Variants in WDFY4 observed in about 807,000 individuals in gnomAD.
WDFY4 encodes the protein WD repeat- and FYVE domain-containing protein 4.
Under a neutral mutation model 351.9 loss-of-function variants are expected in WDFY4, and 169 were observed. The ratio of observed to expected loss-of-function variants is 0.48; its 90% CI spans 0.42 to 0.55. WDFY4 has a LOEUF of 0.55. Among genes scored for constraint, WDFY4 ranks in the 20% least tolerant of loss-of-function variants. The probability of loss-of-function intolerance (pLI) is 0.00; values close to 1 mark genes in which losing one functional copy is unlikely to be tolerated. For missense variants in WDFY4, 3,803 were observed against 3,935.6 expected, an observed-to-expected ratio of 0.97 and a Z score of 0.90; for synonymous variants, 1,622 against 1,574.6, an observed-to-expected ratio of 1.03 and a Z score of -0.71.
chr10:48,723,419 C>T lies in WDFY4; in HGVS notation c.457-14C>T. 2 of 1,548,942 alleles carry T rather than the reference C, an allele frequency of 1.3e-6. No individual in the cohort carries two copies. Among genetic ancestry groups the T allele is most frequent in the Non-Finnish European group, 8.7e-7 (1 of 1,146,816 alleles). ...GCCTTGCTGCCTGGGGTCACGTGTG[C>T]TCTTCTCTTGCAGGAGACGCTGGGC... On this transcript the variant is annotated splice_polypyrimidine_tract_variant and intron_variant, in intron 4 of 61. Coordinates refer to ENST00000325239, the MANE Select transcript of WDFY4 (RefSeq NM_001394531.1).
intron 11 of WDFY4, among the ~76,000 whole-genome samples, chr10:48,737,408 C>T (rs1268287472): frequency 6.6e-6 from 1 of 152,150 alleles, no homozygotes; most frequent in Non-Finnish European, 1.5e-5. Flanking sequence ...CAATCATCAA[C>T]CTAACTTACT....
At chr10:48,836,249 G>A (rs1212112676) in intron 39 of WDFY4, among the ~76,000 whole-genome samples, 1 of 152,192 alleles carries the variant, frequency 6.6e-6, no homozygotes, top group African/African-American at 2.4e-5. Flanking sequence ...TGTATCCCAA[G>A]GAACATTTTG....
chr10:48,924,619 C>G (rs904357536), intron 47 of WDFY4, among the ~76,000 whole-genome samples: 1 of 152,158 alleles, frequency 6.6e-6, no homozygotes, highest in African/African-American at 2.4e-5. Flanking sequence ...TGTTCTTGTA[C>G]AATTTTTTTT....
intron 52 of WDFY4, among the ~76,000 whole-genome samples, chr10:48,958,716 C>G (rs895068471): frequency 6.6e-6 from 1 of 152,088 alleles, no homozygotes; most frequent in Non-Finnish European, 1.5e-5. Flanking sequence ...TAGACAATTT[C>G]TATACTGTAA....
chr10:48,689,617 G>A (rs889662402), intron 1 of WDFY4, among the ~76,000 whole-genome samples: 22 of 152,094 alleles, frequency 1.4e-4, no homozygotes, highest in African/African-American at 5.1e-4. Flanking sequence ...TGGAAGTTGT[G>A]CCTGGCTTTC....
At chr10:48,800,699 TTTCTTTCTTTCTTTCTTTCTTTCA>T (rs2067045227) in intron 24 of WDFY4, among the ~76,000 whole-genome samples, 2 of 138,976 alleles carry the variant, frequency 1.4e-5, no homozygotes, top group Admixed American at 7.1e-5. Flanking sequence ...TCTTTCTTTC[TTTCTTTCTTTCTTTCTTTCTTTCA>T]TTCTTTCTTT....
chr10:48,934,543 T>A (rs934230301), intron 47 of WDFY4, among the ~76,000 whole-genome samples: 1 of 152,208 alleles, frequency 6.6e-6, no homozygotes, highest in Non-Finnish European at 1.5e-5. Context: ...GTGTGTCCCA[T>A]GAAGAATCCC....
chr10:48,774,006 C>A (rs750902881), intron 13 of WDFY4, among the ~76,000 whole-genome samples: 10 of 152,156 alleles, frequency 6.6e-5, no homozygotes, highest in African/African-American at 1.9e-4. Context: ...ACCTTCCCCC[C>A]ACAGAGGTGC....
rs562584474 is a variant in WDFY4 at position 48,775,624 on chromosome 10, G to A, written c.2769-88G>A. The A allele has an allele frequency of 1.6e-4, 205 of 1,281,908 alleles. No homozygotes were observed. The African/African-American group carries it at 2.9e-3, about 18-fold the overall frequency. The allele number at this position is 1,281,908 out of a possible 1,614,324, so 79.4% of individuals were successfully genotyped here. On this transcript the variant is annotated intron_variant, in intron 14 of 61. Transcript: ENST00000325239. The stretch of plus-strand genomic sequence containing the variant: ...GGGGCTGGGAGGTCAGGGAGCTCCA[G>A]GCATCTAGGACAGTTGTCAGGATAA...
chr10:48,902,467 G>A (rs753165061), intron 47 of WDFY4, among the ~76,000 whole-genome samples: 2 of 152,060 alleles, frequency 1.3e-5, no homozygotes, highest in African/African-American at 2.4e-5. Context: ...GTTTTCTACA[G>A]GAATGTGTGG....
intron 12 of WDFY4, among the ~76,000 whole-genome samples, chr10:48,756,165 TG>T (rs2065330458): frequency 6.6e-6 from 1 of 152,082 alleles, no homozygotes; most frequent in Non-Finnish European, 1.5e-5. Flanking sequence ...ATAAACATAG[TG>T]TGCTTTTCTG....
At chr10:48,823,077 G>A (rs2067878275) in intron 35 of WDFY4, 1 of 1,227,666 alleles carries the variant, frequency 8.1e-7, no homozygotes, top group Non-Finnish European at 1.1e-6. Context: ...CATACCTGTA[G>A]GGCCATCATT....
intron 47 of WDFY4, chr10:48,910,043 C>T (rs1837857944): frequency 5.4e-6 from 3 of 557,854 alleles, no homozygotes; most frequent in African/African-American, 3.7e-5. Context: ...AAGTCATTTT[C>T]ACACACAGGT....
intron 12 of WDFY4, among the ~76,000 whole-genome samples, chr10:48,758,559 G>C (rs574280808): frequency 2.0e-5 from 3 of 152,230 alleles, no homozygotes; most frequent in African/African-American, 7.2e-5. Context: ...AGAAATGTTA[G>C]ATCCTTTGTT....
intron 23 of WDFY4, among the ~76,000 whole-genome samples, chr10:48,794,123 C>T (rs192493008): frequency 2.0e-5 from 3 of 152,164 alleles, no homozygotes; most frequent in Non-Finnish European, 2.9e-5. Context: ...CTGTGGGGAA[C>T]GTAGGTTCTG....
At chr10:48,829,068 G>A (rs1346251982) in intron 37 of WDFY4, among the ~76,000 whole-genome samples, 172 bp downstream of exon 37, 2 of 152,118 alleles carry the variant, frequency 1.3e-5, no homozygotes, top group African/African-American at 4.8e-5. Flanking sequence ...AAATCCTAGG[G>A]TAATCATGTA....
chr10:48,748,153 T>C (rs1453991470), intron 12 of WDFY4, among the ~76,000 whole-genome samples: 1 of 152,246 alleles, frequency 6.6e-6, no homozygotes, highest in Non-Finnish European at 1.5e-5. Flanking sequence ...GGAAACTTGT[T>C]TGACTTATTC....
rs1234994160 is a variant in WDFY4 at position 48,828,905 on chromosome 10, TATTTGTC to T, written c.6340+13_6340+19del. 1 of 839,686 alleles carries T rather than the reference TATTTGTC, an allele frequency of 1.2e-6. No individual in the cohort carries two copies. Among genetic ancestry groups the T allele is most frequent in the Non-Finnish European group, 1.6e-6 (1 of 613,382 alleles). The allele number at this position is 839,686 out of a possible 1,614,324, so 52.0% of individuals were successfully genotyped here. On this transcript the variant is annotated intron_variant, in intron 37 of 61. Coordinates refer to ENST00000325239, the MANE Select transcript of WDFY4 (RefSeq NM_001394531.1). ...ACCAAGTTTGAGTGATGGTACATTT[TATTTGTC>T]ATTGTGTGTGTGGGCGGGGGGGGGG... is the stretch of plus-strand genomic sequence containing the variant.
chr10:48,920,986 A>G (rs1564488837), intron 47 of WDFY4, among the ~76,000 whole-genome samples: 2 of 152,216 alleles, frequency 1.3e-5, no homozygotes, highest in African/African-American at 2.4e-5. Flanking sequence ...TAAAATGCTG[A>G]TGTAAGAAAG....
Sources: allele counts gnomAD v4.1 joint callset (sites outside exome capture counted in the v4.1 genomes callset), GRCh38; gene constraint gnomAD v4.1.1; transcripts MANE v1.5; gene names NCBI Gene and HGNC (gene_info 2026-07-23, HGNC 2026-07-21).